Variants in FHIT observed in about 807,000 individuals in gnomAD.
FHIT encodes fragile histidine triad diadenosine triphosphatase, also known as bis(5'-adenosyl)-triphosphatase.
A neutral mutation model predicts 17.9 loss-of-function variants in FHIT; 19 were observed. The ratio of observed to expected loss-of-function variants is 1.06; its 90% confidence interval spans 0.74 to 1.56. FHIT has a LOEUF of 1.56. FHIT is among the 40% of genes most tolerant of loss of function. The pLI, the probability that FHIT is intolerant of heterozygous loss-of-function variation, is 0.00. For missense variants in FHIT, 248 were observed against 189.2 expected, an observed-to-expected ratio of 1.31 and a Z score of -1.82; for synonymous variants, 81 against 69.7, an observed-to-expected ratio of 1.16 and a Z score of -0.81.
chr3:60,072,633 TCAAGGACTTGCC>T (rs138547369), intron 5 of FHIT, among the ~76,000 whole-genome samples: 4,033 of 152,242 alleles, frequency 0.026, 181 homozygotes, highest in African/African-American at 0.092. Flanking sequence ...CCTAAAAAAG[TCAAGGACTTGCC>T]CAGCATCACT....
chr3:60,931,854 C>T (rs1026794316), intron 3 of FHIT, among the ~76,000 whole-genome samples: 1 of 152,160 alleles, frequency 6.6e-6, no homozygotes, highest in African/African-American at 2.4e-5. Flanking sequence ...AATAAAAGGA[C>T]ACTTAAATGA....
At chr3:61,088,189 C>G (rs372131054) in intron 2 of FHIT, among the ~76,000 whole-genome samples, 1 of 152,108 alleles carries the variant, frequency 6.6e-6, no homozygotes, top group East Asian at 1.9e-4. Flanking sequence ...CTCTGTGGAT[C>G]AGGGGACACT....
At chr3:60,604,903 G>A (rs1420416107) in intron 4 of FHIT, among the ~76,000 whole-genome samples, 1 of 152,176 alleles carries the variant, frequency 6.6e-6, no homozygotes, top group Non-Finnish European at 1.5e-5. Flanking sequence ...ACAATGGACA[G>A]GGAGGAGCAG....
intron 4 of FHIT, among the ~76,000 whole-genome samples, chr3:60,560,891 G>C (rs978455128): frequency 4.0e-5 from 6 of 150,114 alleles, no homozygotes; most frequent in African/African-American, 1.5e-4. Context: ...AGGTGGGGAG[G>C]AAGTGAGTAG....
chr3:61,025,261 G>T (rs1255513943), intron 3 of FHIT, among the ~76,000 whole-genome samples: 1 of 152,154 alleles, frequency 6.6e-6, no homozygotes. Flanking sequence ...TTATTTCCCT[G>T]ATCACACAAC....
At chr3:60,336,092 A>G (rs1710225230) in intron 5 of FHIT, among the ~76,000 whole-genome samples, 1 of 152,212 alleles carries the variant, frequency 6.6e-6, no homozygotes, top group Admixed American at 6.5e-5. Context: ...ATTAGCATTC[A>G]ATCATGAAAG....
intron 8 of FHIT, among the ~76,000 whole-genome samples, chr3:59,763,235 C>A (rs1004286261): frequency 2.0e-5 from 3 of 152,140 alleles, no homozygotes; most frequent in Admixed American, 1.3e-4. Flanking sequence ...TTCAAAGGTA[C>A]CTTGCAGAGT....
Position 59,748,042 on chromosome 3 carries a change from T to C in FHIT, c.*1543A>G, listed in dbSNP as rs956709821. On this transcript the variant is annotated 3_prime_UTR_variant, in exon 10 of 10. Transcript: ENST00000492590. Reference sequence around the variant, plus strand: ...GTGCTAGAATTAAATGCCCCTCTAATGGTGGCTAGCCTCACTTTTTAACAC... The same window carrying C: ...GTGCTAGAATTAAATGCCCCTCTAACGGTGGCTAGCCTCACTTTTTAACAC... 9.9e-5 allele frequency among the ~76,000 whole-genome samples: 15 copies of C among 152,136 alleles called. No homozygotes were observed. The highest frequency in any genetic ancestry group is 2.9e-4 in the African/African-American group (12 of 41,428).
chr3:60,295,993 A>G (rs1417114871), intron 5 of FHIT, among the ~76,000 whole-genome samples: 1 of 152,080 alleles, frequency 6.6e-6, no homozygotes, highest in African/African-American at 2.4e-5. Flanking sequence ...GTGATAGTGA[A>G]GAAGTCTCAC....
At chr3:61,057,957 A>T (rs1455269654) in intron 2 of FHIT, among the ~76,000 whole-genome samples, 1 of 152,208 alleles carries the variant, frequency 6.6e-6, no homozygotes, top group Non-Finnish European at 1.5e-5. Flanking sequence ...TCACTGTAGC[A>T]GCTGAGAGCT....
At chr3:60,991,482 A>G (rs1327957816) in intron 3 of FHIT, among the ~76,000 whole-genome samples, 1 of 152,228 alleles carries the variant, frequency 6.6e-6, no homozygotes, top group Non-Finnish European at 1.5e-5. Flanking sequence ...TCTGGGCGTC[A>G]TGGGGGAAGA....
chr3:61,047,983 A>AT (rs2033876101), intron 2 of FHIT, among the ~76,000 whole-genome samples: 1 of 151,238 alleles, frequency 6.6e-6, no homozygotes, highest in Admixed American at 6.6e-5. Context: ...TTCAAGATGG[A>AT]TTAAAGACTT....
At position 60,967,398 on chromosome 3, in the gene FHIT, C is replaced by T. The variant is rs1284912614; in HGVS notation, c.-111+74649G>A. Among the ~76,000 whole-genome samples, 7 of 152,100 alleles carry T rather than the reference C, an allele frequency of 4.6e-5. No individual in the cohort carries two copies. In the East Asian group the frequency reaches 1.3e-3, roughly 29 times the overall value. On this transcript the variant is annotated intron_variant, in intron 3 of 9. Transcript: ENST00000492590. Reference sequence around the variant, plus strand: ...CCTAAGACTTTGGTGTATTGACTGCCTATCTGTCAAATTTGACAGGAAGGA... The same window carrying T: ...CCTAAGACTTTGGTGTATTGACTGCTTATCTGTCAAATTTGACAGGAAGGA...
chr3:60,304,249 C>G (rs1480443744), intron 5 of FHIT, among the ~76,000 whole-genome samples: 3 of 152,044 alleles, frequency 2.0e-5, no homozygotes, highest in South Asian at 2.1e-4. Flanking sequence ...GTCAAGGGGT[C>G]ACTTGGGTTA....
At chr3:61,010,187 T>C (rs2031708950) in intron 3 of FHIT, among the ~76,000 whole-genome samples, 1 of 151,968 alleles carries the variant, frequency 6.6e-6, no homozygotes. Flanking sequence ...AAAGCATTCC[T>C]ACACTTGATT....
chr3:60,163,854 C>T (rs1701042927), intron 5 of FHIT, among the ~76,000 whole-genome samples: 2 of 152,154 alleles, frequency 1.3e-5, no homozygotes, highest in African/African-American at 2.4e-5. Context: ...AGTTGGGAAA[C>T]ACTGATCTAT....
intron 8 of FHIT, among the ~76,000 whole-genome samples, chr3:59,779,829 C>G (rs1009520111): frequency 1.3e-5 from 2 of 152,208 alleles, no homozygotes; most frequent in South Asian, 4.1e-4. Flanking sequence ...TAGCACTGTT[C>G]GATAAATACA....
At chr3:59,758,644 A>G (rs1701342722) in intron 8 of FHIT, among the ~76,000 whole-genome samples, 1 of 152,214 alleles carries the variant, frequency 6.6e-6, no homozygotes. Context: ...ACTGGCTAGA[A>G]TATAATAAGA....
At position 60,021,548 on chromosome 3, in the gene FHIT, G is replaced by A. The variant is rs546206170; in HGVS notation, c.104-7396C>T. ...TCATATAAACTAAGTATGTGGGAAAGAAGTAAATGATATCATTAAAGGAAA... is the reference window on the plus strand; with the variant it reads ...TCATATAAACTAAGTATGTGGGAAAAAAGTAAATGATATCATTAAAGGAAA... On this transcript the variant is annotated intron_variant, in intron 5 of 9. Transcript: ENST00000492590. Among the ~76,000 whole-genome samples, 5 of 152,266 alleles carry A rather than the reference G, an allele frequency of 3.3e-5. No individual in the cohort carries two copies. In the South Asian group the frequency reaches 1.0e-3, roughly 32 times the overall value.
Sources: gnomAD v4.1 joint callset for allele counts (sites outside exome capture counted in the v4.1 genomes callset) on GRCh38, gnomAD v4.1.1 for gene constraint, MANE v1.5 for transcripts, NCBI Gene and HGNC (gene_info 2026-07-23, HGNC 2026-07-21) for gene names.